The following ROBO2 variants were observed in gnomAD, a reference collection of about 807,000 sequenced individuals.
The protein encoded by ROBO2 is roundabout homolog 2.
ROBO2 carries 53 observed loss-of-function variants against 160.8 expected under a neutral mutation model. That is an observed-to-expected ratio of 0.33 (90% CI 0.26 to 0.41). The LOEUF (loss-of-function observed/expected upper bound fraction) is 0.41. Ranked by LOEUF, ROBO2 falls within the 10% of genes least tolerant of loss-of-function variation. The pLI is 1.00. For synonymous variants in ROBO2, 664 were observed against 611.7 expected, an observed-to-expected ratio of 1.09 and a Z score of -1.26; for missense variants, 1,577 against 1,722.4, an observed-to-expected ratio of 0.92 and a Z score of 1.49.
intron 2 of ROBO2, among the ~76,000 whole-genome samples, chr3:76,887,557 C>G (rs1443038338): frequency 1.3e-5 from 2 of 151,998 alleles, no homozygotes; most frequent in Non-Finnish European, 2.9e-5. Flanking sequence ...GGTCTTTACC[C>G]ACTGCCATCC....
intron 2 of ROBO2, among the ~76,000 whole-genome samples, chr3:77,352,869 G>A (rs1241941473): frequency 1.3e-5 from 2 of 152,152 alleles, no homozygotes. Context: ...TCAGGAAAAT[G>A]CAGATGGCGA....
At position 76,029,432 on chromosome 3, in the gene ROBO2, T is replaced by A. The variant is rs1463262127; in HGVS notation, c.109+91830T>A. On this transcript the variant is annotated intron_variant, in intron 2 of 26. Transcript: ENST00000487694. ...GCACAATGTGCAGGTTTGTTACATA[T>A]GTATACATGTGCCATGTTGGTGTGC... 2.6e-5 allele frequency among the ~76,000 whole-genome samples: 4 copies of A among 152,064 alleles called. No homozygotes were observed. In the East Asian group the frequency reaches 7.7e-4, roughly 29 times the overall value.
chr3:77,574,764 T>C (rs2093720106), intron 14 of ROBO2, 34 bp downstream of exon 15: 2 of 1,503,578 alleles, frequency 1.3e-6, no homozygotes, highest in Admixed American at 1.7e-5. Context: ...AAATCAAACA[T>C]GATGAAACCA....
intron 2 of ROBO2, among the ~76,000 whole-genome samples, chr3:76,295,783 T>C (rs1350762501): frequency 6.6e-6 from 1 of 152,144 alleles, no homozygotes; most frequent in Non-Finnish European, 1.5e-5. Flanking sequence ...TTACGTAAAT[T>C]ATCTAACGTC....
At chr3:76,344,385 T>C (rs1460329744) in intron 2 of ROBO2, among the ~76,000 whole-genome samples, 1 of 152,124 alleles carries the variant, frequency 6.6e-6, no homozygotes, top group Non-Finnish European at 1.5e-5. Flanking sequence ...GAGAAAAAAT[T>C]TCATGAAGAC....
At chr3:76,921,803 A>C (rs2148994778) in intron 2 of ROBO2, among the ~76,000 whole-genome samples, 1 of 152,220 alleles carries the variant, frequency 6.6e-6, no homozygotes, top group South Asian at 2.1e-4. Flanking sequence ...CATAGTTCTA[A>C]AATATGAGGG....
chr3:77,238,215 A>G (rs2088388107), intron 2 of ROBO2, among the ~76,000 whole-genome samples: 1 of 152,180 alleles, frequency 6.6e-6, no homozygotes, highest in Non-Finnish European at 1.5e-5. Context: ...ATCATGTAGC[A>G]TATAGTTTTT....
intron 2 of ROBO2, among the ~76,000 whole-genome samples, chr3:76,127,600 AT>A (rs751202920): frequency 0.13 from 11,110 of 88,054 alleles, 734 homozygotes; most frequent in East Asian, 0.4. Flanking sequence ...TTGAAAAAAT[AT>A]ATATATATAT....
chr3:76,954,439 A>T (rs756229793), intron 2 of ROBO2, among the ~76,000 whole-genome samples: 3 of 152,184 alleles, frequency 2.0e-5, no homozygotes, highest in Non-Finnish European at 2.9e-5. Flanking sequence ...CAGTCCAAGG[A>T]TCTACTCTAG....
At chr3:76,383,681 G>A (rs1194747956) in intron 2 of ROBO2, among the ~76,000 whole-genome samples, 2 of 151,782 alleles carry the variant, frequency 1.3e-5, no homozygotes, top group Non-Finnish European at 2.9e-5. Flanking sequence ...ACTGCCAACA[G>A]TTCAGATAAC....
At chr3:77,088,009 G>C (rs571673498) in intron 1 of ROBO2, among the ~76,000 whole-genome samples, 40 of 152,186 alleles carry the variant, frequency 2.6e-4, no homozygotes, top group African/African-American at 8.9e-4. Flanking sequence ...CGGGTGCTGA[G>C]GCTCTACCTG....
intron 2 of ROBO2, among the ~76,000 whole-genome samples, chr3:76,253,710 G>A (rs558098368): frequency 1.9e-4 from 28 of 151,102 alleles, no homozygotes; most frequent in African/African-American, 6.3e-4. Context: ...GTAAGTATTA[G>A]CATATATAAG....
At chr3:76,291,425 T>A (rs764417427) in intron 2 of ROBO2, among the ~76,000 whole-genome samples, 1 of 152,124 alleles carries the variant, frequency 6.6e-6, no homozygotes, top group African/African-American at 2.4e-5. Context: ...TTTTTTTCAT[T>A]ATTAGTCTAG....
In ROBO2 at chr3:77,574,551, C is replaced by A. The variant is rs760169907; in HGVS notation, c.2024C>A (p.Thr675Asn). The A allele has an allele frequency of 1.1e-5, 18 of 1,613,474 alleles. No individual in the cohort carries two copies. The highest frequency in any genetic ancestry group is 7.6e-6 in the Non-Finnish European group (9 of 1,179,600). Reference sequence around the variant, plus strand: ...GGCTACCGAGTGATGTATCGTCAGACTTCAGGTCTGCAGGCGACATCTTCG... The same window carrying A: ...GGCTACCGAGTGATGTATCGTCAGAATTCAGGTCTGCAGGCGACATCTTCG... The change falls in exon 14 of 26, where the codon ACT becomes AAT. Residue 675 changes from threonine (T) to asparagine (N), a missense_variant. Physicochemically the swap from Thr to Asn is moderately conservative, Grantham distance 65. This residue lies in a region of ROBO2 where 940 missense variants were observed against 1,135.5 expected (regional missense o/e 0.83). Coordinates refer to ENST00000461745, the Ensembl canonical transcript of ROBO2.
intron 2 of ROBO2, among the ~76,000 whole-genome samples, chr3:76,622,261 A>ACATAGCCAG (rs2089237467): frequency 6.2e-5 from 4 of 64,994 alleles, no homozygotes; most frequent in Admixed American, 1.5e-4. Context: ...AAAGAAAGAA[A>ACATAGCCAG]GAAAGAAAGA....
rs1383212888 is a variant in ROBO2 at position 76,548,658 on chromosome 3, G to A, written c.110-549356G>A. 1.5e-4 allele frequency among the ~76,000 whole-genome samples: 23 copies of A among 149,328 alleles called. 1 individual carries two copies. Among genetic ancestry groups the A allele is most frequent in the Non-Finnish European group, 4.4e-5 (3 of 67,578 alleles). ...AGGATTTTTTTTTTTTTTAATAGACGGGAGAAGTCAAGGAGAAAGCAATAA... is the reference window on the plus strand; with the variant it reads ...AGGATTTTTTTTTTTTTTAATAGACAGGAGAAGTCAAGGAGAAAGCAATAA... On this transcript the variant is annotated intron_variant, in intron 2 of 26. Coordinates refer to the ROBO2 transcript ENST00000487694.
At position 77,256,559 on chromosome 3, in the gene ROBO2, A is replaced by C. The variant is rs546933746; in HGVS notation, c.388+158219A>C. On this transcript the variant is annotated intron_variant, in intron 2 of 25. Coordinates refer to ENST00000461745, the Ensembl canonical transcript of ROBO2. ...AAAAAAAATCTCTTTTATTCAGCAG[A>C]AACATCTTGACATCTTATATCTTAA... 8.5e-5 allele frequency among the ~76,000 whole-genome samples: 13 copies of C among 152,318 alleles called. 1 individual carries two copies. The highest frequency in any genetic ancestry group is 3.1e-4 in the African/African-American group (13 of 41,584).
chr3:76,141,187 A>T (rs866307126), intron 2 of ROBO2, among the ~76,000 whole-genome samples: 21 of 106,494 alleles, frequency 2.0e-4, no homozygotes, highest in Non-Finnish European at 1.2e-4. Flanking sequence ...ATATATATAT[A>T]TTTAATGTCT....
At chr3:77,120,494 A>G (rs962516267) in intron 2 of ROBO2, among the ~76,000 whole-genome samples, 1 of 152,232 alleles carries the variant, frequency 6.6e-6, no homozygotes, top group Non-Finnish European at 1.5e-5. Context: ...AGTTGATAGT[A>G]AAATTTTAAA....
Sources: allele counts gnomAD v4.1 joint callset (sites outside exome capture counted in the v4.1 genomes callset), GRCh38; gene constraint gnomAD v4.1.1; regional missense constraint gnomAD v4.1.1; transcripts MANE v1.5; gene names NCBI Gene and HGNC (gene_info 2026-07-23, HGNC 2026-07-21).